The following PCTP variants were observed in gnomAD, a reference collection of about 807,000 sequenced individuals.
PCTP encodes the protein phosphatidylcholine transfer protein.
A neutral mutation model predicts 31.0 loss-of-function variants in PCTP; 27 were observed. The ratio of observed to expected loss-of-function variants is 0.87; its 90% CI spans 0.64 to 1.20. PCTP has a LOEUF of 1.20. PCTP is among the 50% of genes most tolerant of loss of function. The pLI, the probability that PCTP is intolerant of heterozygous loss-of-function variation, is 0.00. For missense variants in PCTP, 287 were observed against 268.2 expected (o/e 1.07, Z -0.49); for synonymous variants, 108 against 101.2 (o/e 1.07, Z -0.40).
intron 3 of PCTP, among the ~76,000 whole-genome samples, chr17:55,806,312 G>A (rs946211734): frequency 4.6e-5 from 7 of 152,056 alleles, no homozygotes; most frequent in South Asian, 2.1e-4. Flanking sequence ...GTTCTTACTG[G>A]CTTGCAAGAA....
chr17:55,760,847 G>A (rs192367399), intron 1 of PCTP, among the ~76,000 whole-genome samples: 59 of 152,230 alleles, frequency 3.9e-4, no homozygotes, highest in African/African-American at 1.2e-3. Context: ...GGAAGGAAAG[G>A]GTTCCCATCC....
At chr17:55,826,655 CA>C (rs1299808964), downstream of PCTP, among the ~76,000 whole-genome samples, 1 of 152,138 alleles carries the variant, frequency 6.6e-6, no homozygotes, top group Non-Finnish European at 1.5e-5. Flanking sequence ...TCATTGGCAT[CA>C]AAGAACCTTC....
intron 1 of PCTP, 178 bp downstream of exon 1, chr17:55,751,422 A>T (rs1386106870): frequency 6.5e-7 from 1 of 1,534,274 alleles, no homozygotes; most frequent in Non-Finnish European, 8.7e-7. Context: ...CGGTGCCTCC[A>T]AGTGACTGCC....
intron 3 of PCTP, among the ~76,000 whole-genome samples, chr17:55,797,738 G>A (rs1261151150): frequency 1.3e-5 from 2 of 151,986 alleles, no homozygotes; most frequent in African/African-American, 4.8e-5. Flanking sequence ...TAGTATAACT[G>A]CCTGAGAGAA....
chr17:55,766,116 T>C (rs1033565958), intron 1 of PCTP, among the ~76,000 whole-genome samples: 1 of 152,210 alleles, frequency 6.6e-6, no homozygotes, highest in African/African-American at 2.4e-5. Flanking sequence ...ATGGCACTTA[T>C]AGCTATCTCT....
chr17:55,823,789 C>G (rs534960246), downstream of PCTP, among the ~76,000 whole-genome samples: 1 of 152,204 alleles, frequency 6.6e-6, no homozygotes, highest in African/African-American at 2.4e-5. Context: ...CTGCATCAGC[C>G]CCAGCCTGGC....
At chr17:55,823,473 G>A (rs951386599), downstream of PCTP, among the ~76,000 whole-genome samples, 3 of 152,174 alleles carry the variant, frequency 2.0e-5, no homozygotes, top group South Asian at 2.1e-4. Context: ...CAAAGCTTCC[G>A]CCTCAGAGCT....
intron 2 of PCTP, among the ~76,000 whole-genome samples, chr17:55,783,617 A>G (rs1911642122): frequency 6.6e-6 from 1 of 152,196 alleles, no homozygotes; most frequent in African/African-American, 2.4e-5. Flanking sequence ...TTAAGTGGTC[A>G]TGGATTCTGC....
chr17:55,811,338 C>T (rs1328751872), intron 3 of PCTP, among the ~76,000 whole-genome samples: 1 of 152,194 alleles, frequency 6.6e-6, no homozygotes, highest in Non-Finnish European at 1.5e-5. Context: ...ACTATGTTCT[C>T]TTCCAAGCAC....
At chr17:55,812,228 TA>T (rs1912775439) in intron 3 of PCTP, among the ~76,000 whole-genome samples, 1 of 152,078 alleles carries the variant, frequency 6.6e-6, no homozygotes, top group African/African-American at 2.4e-5. Context: ...ATGATAATAA[TA>T]ATAATTACAA....
At chr17:55,786,547 A>G (rs1035362499) in intron 2 of PCTP, among the ~76,000 whole-genome samples, 1 of 152,218 alleles carries the variant, frequency 6.6e-6, no homozygotes, top group Non-Finnish European at 1.5e-5. Context: ...ACATCTGCCT[A>G]TCTGTTACTT....
At chr17:55,824,651 A>G (rs945446179), downstream of PCTP, among the ~76,000 whole-genome samples, 1 of 152,222 alleles carries the variant, frequency 6.6e-6, no homozygotes, top group African/African-American at 2.4e-5. Context: ...GTCCCTGAAC[A>G]CAGAGATAAG....
chr17:55,775,501 C>T (rs1006378846), intron 5 of PCTP: 11 of 1,196,790 alleles, frequency 9.2e-6, no homozygotes, highest in Admixed American at 4.2e-5. Flanking sequence ...TACTGACTGT[C>T]TTGTTTTATT....
In PCTP at chr17:55,776,285, G is replaced by C. The variant is rs1484679436; in HGVS notation, c.*185G>C. On this transcript the variant is annotated 3_prime_UTR_variant, in exon 6 of 6. Transcript: ENST00000268896. ...CTACACACTACCACATCCTTTCTAAGCATGTTTGCCTGACATCCAGCTCAC... is the reference window on the plus strand; with the variant it reads ...CTACACACTACCACATCCTTTCTAACCATGTTTGCCTGACATCCAGCTCAC... The C allele has an allele frequency of 1.5e-6, 2 of 1,367,804 alleles. No individual in the cohort carries two copies. Among genetic ancestry groups the C allele is most frequent in the Non-Finnish European group, 9.4e-7 (1 of 1,061,820 alleles). The allele number at this position is 1,367,804 out of a possible 1,614,324, so 84.7% of individuals were successfully genotyped here.
At chr17:55,822,873 A>T (rs1462828479) in exon 4 of PCTP, 2 of 1,182,878 alleles carry the variant, frequency 1.7e-6, no homozygotes, top group Non-Finnish European at 2.1e-6. Context: ...GGACATAAAG[A>T]TAAAGACATG....
chr17:55,770,908 T>A (rs1027721993), intron 2 of PCTP, 198 bp from the exon 3 acceptor site: 69 of 418,326 alleles, frequency 1.6e-4, no homozygotes, highest in East Asian at 2.1e-4. Context: ...TTTTTTTTTT[T>A]TATATATAGA....
chr17:55,850,698 G>A, the PCTP span, among the ~76,000 whole-genome samples: 5 of 152,080 alleles, frequency 3.3e-5, no homozygotes, highest in Non-Finnish European at 7.4e-5. Flanking sequence ...TATCTTCTCA[G>A]TAGCAGAAAA....
chr17:55,821,224 A>G (rs185237250), intron 3 of PCTP, among the ~76,000 whole-genome samples: 12 of 152,362 alleles, frequency 7.9e-5, no homozygotes, highest in Admixed American at 6.5e-4. Context: ...GTACTGATAC[A>G]TGGTACAACA....
At chr17:55,757,074 C>T (rs1265155292) in intron 1 of PCTP, among the ~76,000 whole-genome samples, 4 of 151,908 alleles carry the variant, frequency 2.6e-5, no homozygotes, top group African/African-American at 9.7e-5. Flanking sequence ...CAGAATTGTT[C>T]TCAAACTTGA....
Sources: gnomAD v4.1 joint callset for allele counts (sites outside exome capture counted in the v4.1 genomes callset) on GRCh38, gnomAD v4.1.1 for gene constraint, MANE v1.5 for transcripts, NCBI Gene and HGNC (gene_info 2026-07-23, HGNC 2026-07-21) for gene names.